The following MAST3 variants were observed in gnomAD, a reference collection of about 807,000 sequenced individuals.
The protein encoded by MAST3 is microtubule associated serine/threonine kinase 3.
A neutral mutation model predicts 127.0 loss-of-function variants in MAST3; 43 were observed. The observed-to-expected ratio is 0.34, with a 90% CI of 0.27 to 0.44. The LOEUF (loss-of-function observed/expected upper bound fraction) is 0.44, where lower values mean the gene tolerates loss of function less well. Among genes scored for constraint, MAST3 ranks in the 20% least tolerant of loss-of-function variants. The pLI is 1.00. For synonymous variants in MAST3, 785 were observed against 809.2 expected (o/e 0.97, Z 0.51); for missense variants, 1,390 against 1,919.1 (o/e 0.72, Z 5.15).
At chr19:18,118,957 C>T (rs2039627210) in intron 3 of MAST3, among the ~76,000 whole-genome samples, 1 of 152,056 alleles carries the variant, frequency 6.6e-6, no homozygotes, top group South Asian at 2.1e-4. Context: ...CCTCCAAGAT[C>T]GTGGGGAGCA....
Position 18,150,682 on chromosome 19 carries a change from CTA to C in MAST3, c.*963_*964del, listed in dbSNP as rs1224149791. 1.3e-5 allele frequency: 2 copies of C among 152,296 alleles called. No individual in the cohort carries two copies. Among genetic ancestry groups the C allele is most frequent in the African/African-American group, 2.4e-5 (1 of 41,448 alleles). 9.4% of individuals were successfully genotyped at this position (152,296 alleles called of 1,614,324 possible). A position where few individuals can be genotyped will look rare whatever the true frequency, so the allele number is the denominator to read the frequency against. On this transcript the variant is annotated 3_prime_UTR_variant, in exon 28 of 28. Coordinates refer to ENST00000687212, the MANE Select transcript of MAST3 (RefSeq NM_001393504.1). ...CTGCCATGCCCAGGCAGTGCCTGCTCTATATATAGAGTCTGCCTCCAATCCTG... is the reference window on the plus strand; with the variant it reads ...CTGCCATGCCCAGGCAGTGCCTGCTCTATATAGAGTCTGCCTCCAATCCTG...
At chr19:18,124,938 C>CCG (rs1555798782) in intron 11 of MAST3, among the ~76,000 whole-genome samples, 164 bp downstream of exon 11, 1 of 136,076 alleles carries the variant, frequency 7.3e-6, no homozygotes, top group East Asian at 2.0e-4. Context: ...GAAACCCCCC[C>CCG]CCTACTAAAA....
At chr19:18,147,872 G>A (rs1336913485) in intron 27 of MAST3, among the ~76,000 whole-genome samples, 1 of 152,226 alleles carries the variant, frequency 6.6e-6, no homozygotes, top group African/African-American at 2.4e-5. Context: ...AAACTGAGAA[G>A]AGGCCAGGCA....
intron 9 of MAST3, 40 bp downstream of exon 9, chr19:18,124,188 G>A (rs764522396): frequency 6.3e-7 from 1 of 1,593,554 alleles, no homozygotes; most frequent in South Asian, 1.1e-5. Context: ...GCATGCAGTG[G>A]GACGTGGAGT....
rs965022644 is a variant in MAST3, at chr19:18,124,095, A to G, written c.790A>G (p.Thr264Ala). 1 of 1,610,860 alleles carries G rather than the reference A, an allele frequency of 6.2e-7. No homozygotes were observed. The highest frequency in any genetic ancestry group is 8.5e-7 in the Non-Finnish European group (1 of 1,178,750). ...GGCCAAGTCTGGCGAGAACCTCGTC[A>G]CCTCCCGCTACTTCCTAGAGATGCA... is the stretch of plus-strand genomic sequence containing the variant. ...CLAKSGENLV[T>A]SRYFLEMQEK... is the part of the protein sequence containing the mutation. The change falls in exon 9 of 28, where the codon ACC (threonine) becomes GCC (alanine). Residue 264 changes from threonine to alanine, a missense_variant. Transcript: ENST00000687212.
Position 18,120,200 on chromosome 19 carries a change from G to A in MAST3, c.162-1485G>A, listed in dbSNP as rs947838074. On this transcript the variant is annotated intron_variant, in intron 3 of 27. Coordinates refer to ENST00000687212, the MANE Select transcript of MAST3 (RefSeq NM_001393504.1). ...CAGAAGAGGCAGGACTGTGAAAGAG[G>A]TTGCATTTAGGGTTTCTAGTTGGGT... Among the ~76,000 whole-genome samples the A allele has an allele frequency of 2.0e-5, 3 of 152,310 alleles. No individual in the cohort carries two copies. In the East Asian group the frequency reaches 5.8e-4, roughly 29 times the overall value.
intron 3 of MAST3, among the ~76,000 whole-genome samples, chr19:18,121,254 T>C (rs1416858625): frequency 2.0e-5 from 3 of 152,060 alleles, no homozygotes; most frequent in African/African-American, 7.2e-5. Flanking sequence ...CTCCTGAGGC[T>C]CAAGCGATCC....
At position 18,145,829 on chromosome 19, in the gene MAST3, G is replaced by T; in HGVS notation, c.3126G>T (p.Gly1042=). The change falls in exon 25 of 28, where the codon GGG becomes GGT. Residue 1042 remains glycine (G), a synonymous_variant. Transcript: ENST00000687212. This position sits in a 1 kb window ranked among gnomAD's most constrained non-coding sequence, Gnocchi z 5.9. ...ACATCAACGGGGAGTCAGTGCTGGG[G>T]CTGGTGCACATGGACGTCGTGGAGC... ...ITHINGESVL[G]LVHMDVVELL... 1 of 1,599,042 alleles carries T rather than the reference G, an allele frequency of 6.3e-7. No individual in the cohort carries two copies.
chr19:18,133,625 C>T (rs750701782), intron 15 of MAST3, among the ~76,000 whole-genome samples: 14 of 143,724 alleles, frequency 9.7e-5, no homozygotes, highest in Admixed American at 1.5e-4. Flanking sequence ...GCGATCTCGG[C>T]TCACTGCAAC....
Position 18,128,870 on chromosome 19 carries a change from G to T in MAST3, c.1142G>T (p.Arg381Leu), listed in dbSNP as rs199942766. 1.2e-6 allele frequency: 2 copies of T among 1,613,050 alleles called. No individual in the cohort carries two copies. Among genetic ancestry groups the T allele is most frequent in the Non-Finnish European group, 8.5e-7 (1 of 1,179,794 alleles). ...TAAGCCCTTCCCATCCCCTAGAGCC[G>T]CGCCCTGGTCGGCCAGTCACGGAGG... ...QPPAPESPES[R>L]ALVGQSRRKP... The change falls in exon 13 of 28, where the codon CGC becomes CTC. Residue 381 changes from arginine (R) to leucine (L), a missense_variant. Arg to Leu is a moderately radical substitution (Grantham distance 102, BLOSUM62 -2). Transcript: ENST00000687212.
At chr19:18,114,619 A>C (rs1425655021) in intron 3 of MAST3, among the ~76,000 whole-genome samples, 3 of 152,144 alleles carry the variant, frequency 2.0e-5, no homozygotes, top group African/African-American at 7.2e-5. Context: ...GGGCAGGCCC[A>C]GGGTGTATAC....
intron 20 of MAST3, among the ~76,000 whole-genome samples, chr19:18,139,850 C>T (rs1433072374): frequency 7.2e-6 from 1 of 138,066 alleles, no homozygotes; most frequent in Non-Finnish European, 1.5e-5. Context: ...GACAGAGTCT[C>T]GCTCTTTTGC....
At chr19:18,130,728 T>G in intron 14 of MAST3, 26 bp downstream of exon 14, 2 of 1,604,538 alleles carry the variant, frequency 1.2e-6, no homozygotes, top group Non-Finnish European at 1.7e-6. Context: ...CTTGCATGCC[T>G]CCAGCGATGG....
In MAST3 at chr19:18,137,232, T is replaced by C; in HGVS notation, c.1973-7T>C. The C allele has an allele frequency of 6.2e-7, 1 of 1,610,778 alleles. No homozygotes were observed. The highest frequency in any genetic ancestry group is 1.7e-4 in the Middle Eastern group (1 of 6,048). ...GACCTGCAGGGCTCAGCGGGGCATA[T>C]CTGCAGGTGGCACCCACGAAGTGAA... is the stretch of plus-strand genomic sequence containing the variant. On this transcript the variant is annotated splice_polypyrimidine_tract_variant and splice_region_variant and intron_variant, in intron 18 of 27. Coordinates refer to ENST00000687212, the MANE Select transcript of MAST3 (RefSeq NM_001393504.1).
At chr19:18,102,505 G>A (rs1284523336) in intron 1 of MAST3, among the ~76,000 whole-genome samples, 3 of 141,034 alleles carry the variant, frequency 2.1e-5, no homozygotes, top group East Asian at 4.1e-4. Flanking sequence ...TTTTTGAGAC[G>A]GAGTCTCATT....
intron 14 of MAST3, 60 bp from the exon 15 acceptor site, chr19:18,131,849 A>T (rs2041329429): frequency 5.6e-6 from 8 of 1,428,402 alleles, no homozygotes; most frequent in Non-Finnish European, 6.6e-6. Flanking sequence ...GCATAACCTA[A>T]GGGGCGGGCG....
In MAST3 at chr19:18,110,554, A is replaced by T. The variant is rs1379626939; in HGVS notation, c.72-98A>T. ...CCAGAATCCCCGGTCTTGGGCCCCT[A>T]CTCCCTGAGGGAACCGCAGCCGCCA... On this transcript the variant is annotated intron_variant, in intron 2 of 27. Coordinates refer to ENST00000687212, the MANE Select transcript of MAST3 (RefSeq NM_001393504.1). The surrounding 1 kb of genome is among the most constrained non-coding windows in gnomAD (Gnocchi z 4.3). 2 of 841,476 alleles carry T rather than the reference A, an allele frequency of 2.4e-6. No homozygotes were observed. Among genetic ancestry groups the T allele is most frequent in the African/African-American group, 3.7e-5 (2 of 53,808 alleles). The allele number at this position is 841,476 out of a possible 1,614,324, so 52.1% of individuals were successfully genotyped here. A position where few individuals can be genotyped will look rare whatever the true frequency, so the allele number is the denominator to read the frequency against.
intron 3 of MAST3, chr19:18,117,970 G>GC (rs1456063111): frequency 3.4e-6 from 1 of 295,666 alleles, no homozygotes; most frequent in East Asian, 1.8e-4. Context: ...GCCCCCAACG[G>GC]CCCCGCCCCC....
chr19:18,121,955 G>A (rs1332103323), intron 5 of MAST3, 33 bp downstream of exon 5: 1 of 1,612,262 alleles, frequency 6.2e-7, no homozygotes, highest in Non-Finnish European at 8.5e-7. Flanking sequence ...AGACAGTGCG[G>A]GCACCACGGG....
Sources: gnomAD v4.1 joint callset for allele counts (sites outside exome capture counted in the v4.1 genomes callset) on GRCh38, gnomAD v4.1.1 for gene constraint, Gnocchi (gnomAD v3.1) non-coding constraint, MANE v1.5 for transcripts, NCBI Gene and HGNC (gene_info 2026-07-23, HGNC 2026-07-21) for gene names.